The following EGLN3 variants were observed in gnomAD, a reference collection of about 807,000 sequenced individuals.
The protein encoded by EGLN3 is prolyl hydroxylase EGLN3.
EGLN3 carries 15 observed loss-of-function variants against 26.0 expected under a neutral mutation model. That is an observed-to-expected ratio of 0.58 (90% CI 0.39 to 0.89). The LOEUF (loss-of-function observed/expected upper bound fraction) is 0.89, where lower values mean the gene tolerates loss of function less well. EGLN3 is among the 40% of genes least tolerant of loss of function. EGLN3 has a pLI of 0.00. For synonymous variants in EGLN3, 147 were observed against 127.2 expected, an observed-to-expected ratio of 1.16 and a Z score of -1.05; for missense variants, 238 against 311.6, an observed-to-expected ratio of 0.76 and a Z score of 1.78.
Position 33,950,475 on chromosome 14 carries a change from A to G in EGLN3, c.278T>C (p.Phe93Ser). Residue 93 changes from phenylalanine (F) to serine (S), a missense_variant, in exon 1 of 5, where the codon TTC becomes TCC. Coordinates refer to ENST00000250457, the MANE Select transcript of EGLN3 (RefSeq NM_022073.4). ...CAGCCTGTCGATGAGGGACAGGAGG[A>G]AGCTGATGGCCTCGCAGCCCTCCTC... Reference protein sequence around the residue: ...GNEEGCEAISFLLSLIDRLVL... With the variant: ...GNEEGCEAISSLLSLIDRLVL... 1 of 1,613,658 alleles carries G rather than the reference A, an allele frequency of 6.2e-7. No individual in the cohort carries two copies.
chr14:33,950,009 G>A (rs1594387461), intron 1 of EGLN3: 1 of 479,962 alleles, frequency 2.1e-6, no homozygotes, highest in East Asian at 3.4e-5. Context: ...TGGCTTTAAA[G>A]TAGGCATTTA....
chr14:33,945,773 C>G (rs548736291), intron 1 of EGLN3, among the ~76,000 whole-genome samples: 1 of 152,306 alleles, frequency 6.6e-6, no homozygotes, highest in South Asian at 2.1e-4. Context: ...CTTCATAGTA[C>G]ATTGCTTCAT....
intron 1 of EGLN3, among the ~76,000 whole-genome samples, chr14:33,937,804 T>C (rs1408300638): frequency 6.6e-6 from 1 of 152,154 alleles, no homozygotes; most frequent in African/African-American, 2.4e-5. Flanking sequence ...TACCTACACC[T>C]GAATTTTCTA....
chr14:33,950,253 G>A, intron 1 of EGLN3, 143 bp downstream of exon 1: 2 of 779,838 alleles, frequency 2.6e-6, no homozygotes, highest in South Asian at 3.1e-5. Context: ...GTGGGGGGAA[G>A]CAGCGAGTAG....
chr14:33,940,457 A>T (rs1424307778), intron 1 of EGLN3, among the ~76,000 whole-genome samples: 1 of 151,838 alleles, frequency 6.6e-6, no homozygotes, highest in Non-Finnish European at 1.5e-5. Context: ...GTTAACAGGG[A>T]AACTGTAGGA....
chr14:33,941,252 G>T (rs1428001417), intron 1 of EGLN3, among the ~76,000 whole-genome samples: 1 of 152,150 alleles, frequency 6.6e-6, no homozygotes, highest in Non-Finnish European at 1.5e-5. Context: ...TGGAAATGGA[G>T]GACCATGAAA....
intron 1 of EGLN3, among the ~76,000 whole-genome samples, chr14:33,931,829 A>G (rs1417487413): frequency 6.6e-6 from 1 of 152,260 alleles, no homozygotes; most frequent in Non-Finnish European, 1.5e-5. Flanking sequence ...CTTTCAGGAA[A>G]AAAGCCATGC....
At chr14:33,946,333 G>A (rs761786613) in intron 1 of EGLN3, among the ~76,000 whole-genome samples, 8 of 152,232 alleles carry the variant, frequency 5.3e-5, no homozygotes, top group Admixed American at 3.9e-4. Flanking sequence ...CCAAGATTGC[G>A]CCATTGAACT....
At chr14:33,932,461 TA>T (rs1166232019) in intron 1 of EGLN3, among the ~76,000 whole-genome samples, 2 of 152,148 alleles carry the variant, frequency 1.3e-5, no homozygotes, top group African/African-American at 4.8e-5. Flanking sequence ...GCTAATGGGC[TA>T]GTGGTTCAAT....
chr14:33,927,282 C>T (rs985054985), intron 3 of EGLN3, among the ~76,000 whole-genome samples: 22 of 151,844 alleles, frequency 1.4e-4, no homozygotes, highest in African/African-American at 4.8e-4. Context: ...GATTCTCCTG[C>T]CTCAGCTTCC....
intron 2 of EGLN3, 51 bp from the exon 3 acceptor site, chr14:33,929,263 C>A: frequency 6.2e-7 from 1 of 1,601,040 alleles, no homozygotes; most frequent in South Asian, 1.1e-5. Context: ...TGTAGTTTAT[C>A]AACAACCATA....
chr14:33,933,374 T>A (rs1352909767), intron 1 of EGLN3, among the ~76,000 whole-genome samples: 1 of 146,292 alleles, frequency 6.8e-6, no homozygotes, highest in Non-Finnish European at 1.5e-5. Context: ...AAATGCCGCA[T>A]CTATAAAACA....
chr14:33,933,896 T>G lies in EGLN3; in HGVS notation c.358-2681A>C, dbSNP rs137971431. ...AGAGAAGTCTTCAATGCTTTATTGT[T>G]AAAAGAACGGGCCAGAGTAATTTAA... On this transcript the variant is annotated intron_variant, in intron 1 of 4. Transcript: ENST00000250457. Among the ~76,000 whole-genome samples the G allele has an allele frequency of 2.2e-3, 334 of 152,312 alleles. 1 individual carries two copies. Among genetic ancestry groups the G allele is most frequent in the African/African-American group, 7.3e-3 (305 of 41,560 alleles).
rs2064357783 is a variant in EGLN3, at chr14:33,925,764, G to A, written c.*127C>T. 2 of 1,057,408 alleles carry A rather than the reference G, an allele frequency of 1.9e-6. No homozygotes were observed. The highest frequency in any genetic ancestry group is 1.6e-5 in the African/African-American group (1 of 63,840). 65.5% of individuals were successfully genotyped at this position (1,057,408 alleles called of 1,614,324 possible). ...GAAGTACCACACACAAGACAGGGAT[G>A]TGAAGGATGCAAGAAGTAGCAGGGA... On this transcript the variant is annotated 3_prime_UTR_variant, in exon 5 of 5. Transcript: ENST00000250457.
chr14:33,925,955 G>GTA, intron 4 of EGLN3, 33 bp from the exon 5 acceptor site: 1 of 1,609,336 alleles, frequency 6.2e-7, no homozygotes, highest in Non-Finnish European at 8.5e-7. Context: ...AATAAAGAGG[G>GTA]TATGGAGTCA....
chr14:33,949,982 T>G (rs770990802), intron 1 of EGLN3: 4 of 372,046 alleles, frequency 1.1e-5, no homozygotes, highest in African/African-American at 4.1e-5. Flanking sequence ...CTGACCACAA[T>G]GAAGGGCAGT....
chr14:33,944,546 T>C (rs2064504411), intron 1 of EGLN3, among the ~76,000 whole-genome samples: 1 of 152,332 alleles, frequency 6.6e-6, no homozygotes, highest in South Asian at 2.1e-4. Context: ...TTCTAATATC[T>C]CTCTAGCCCT....
chr14:33,937,399 A>G (rs1338618399), intron 1 of EGLN3, among the ~76,000 whole-genome samples: 1 of 152,212 alleles, frequency 6.6e-6, no homozygotes, highest in Non-Finnish European at 1.5e-5. Context: ...GTTGGTTAAG[A>G]GCAAGCCTAG....
rs145243987 is a variant in EGLN3 at position 33,942,655 on chromosome 14, GGA to G, written c.357+7739_357+7740del. 5.2e-3 allele frequency among the ~76,000 whole-genome samples: 794 copies of G among 152,254 alleles called. 7 individuals are homozygous for G. The highest frequency in any genetic ancestry group is 0.018 in the African/African-American group (766 of 41,546). ...TAAAAAATAGATGTTATTGACACCT[GGA>G]ATTGAGTTTTTCATTTTGTTTTCTT... On this transcript the variant is annotated intron_variant, in intron 1 of 4. Coordinates refer to ENST00000250457, the MANE Select transcript of EGLN3 (RefSeq NM_022073.4).
Sources: gnomAD v4.1 joint callset for allele counts (sites outside exome capture counted in the v4.1 genomes callset) on GRCh38, gnomAD v4.1.1 for gene constraint, MANE v1.5 for transcripts, NCBI Gene and HGNC (gene_info 2026-07-23, HGNC 2026-07-21) for gene names.